The following RGS6 variants were observed in gnomAD, a reference collection of about 807,000 sequenced individuals.
RGS6 encodes the protein regulator of G protein signaling 6.
In RGS6, 30 loss-of-function variants were observed where a neutral mutation model predicts 78.5. That is an observed-to-expected ratio of 0.38 (90% confidence interval 0.29 to 0.52). The LOEUF (loss-of-function observed/expected upper bound fraction) is 0.52, where lower values mean the gene tolerates loss of function less well. RGS6 is among the 20% of genes least tolerant of loss of function. The pLI, the probability that RGS6 is intolerant of heterozygous loss-of-function variation, is 0.85. For synonymous variants in RGS6, 206 were observed against 206.0 expected (o/e 1.00, Z 0.00); for missense variants, 495 against 609.7 (o/e 0.81, Z 1.98).
rs754638424 is a variant in RGS6 at position 71,964,881 on chromosome 14, G to C, written c.84+6G>C. Reference sequence around the variant, plus strand: ...ACATGATCGTTTACTGCAAAGTAAGGCGCCTGGTCAAGTGCCGTGCGTGCT... The same window carrying C: ...ACATGATCGTTTACTGCAAAGTAAGCCGCCTGGTCAAGTGCCGTGCGTGCT... On this transcript the variant is annotated splice_donor_region_variant and intron_variant, in intron 2 of 17. Coordinates refer to ENST00000553525, the MANE Select transcript of RGS6 (RefSeq NM_001204424.2). 6.2e-7 allele frequency: 1 copy of C among 1,612,584 alleles called. No homozygotes were observed. The highest frequency in any genetic ancestry group is 8.5e-7 in the Non-Finnish European group (1 of 1,178,902).
the RGS6 span, among the ~76,000 whole-genome samples, chr14:71,891,880 T>A: frequency 1.3e-5 from 2 of 152,108 alleles, no homozygotes; most frequent in African/African-American, 2.4e-5. Flanking sequence ...CAAATCACCT[T>A]AGGTGTCTCT....
chr14:72,561,610 G>A (rs1010242428), intron 17 of RGS6, among the ~76,000 whole-genome samples: 1 of 152,146 alleles, frequency 6.6e-6, no homozygotes, highest in South Asian at 2.1e-4. Context: ...ATCTCTCCAG[G>A]GCACATACAC....
At chr14:71,954,792 C>G (rs957895669) in intron 1 of RGS6, among the ~76,000 whole-genome samples, 5 of 152,134 alleles carry the variant, frequency 3.3e-5, no homozygotes, top group Non-Finnish European at 7.3e-5. Flanking sequence ...GTTTCCTTCT[C>G]TCTGGTTTCA....
At chr14:71,876,809 G>A in the RGS6 span, among the ~76,000 whole-genome samples, 11 of 152,150 alleles carry the variant, frequency 7.2e-5, no homozygotes, top group Admixed American at 5.9e-4. Context: ...TGCAGTGGCT[G>A]GTACCAATTG....
chr14:72,038,486 A>G (rs1159470854), intron 2 of RGS6, among the ~76,000 whole-genome samples: 1 of 152,188 alleles, frequency 6.6e-6, no homozygotes, highest in African/African-American at 2.4e-5. Context: ...TTAGGGGAAG[A>G]TTCACATCTT....
At chr14:72,288,578 A>G (rs994495450) in intron 2 of RGS6, among the ~76,000 whole-genome samples, 1 of 152,200 alleles carries the variant, frequency 6.6e-6, no homozygotes, top group Non-Finnish European at 1.5e-5. Context: ...AGGGAGGTCA[A>G]AGTCACATTC....
At chr14:72,232,142 C>T (rs755996108) in intron 2 of RGS6, among the ~76,000 whole-genome samples, 2 of 152,134 alleles carry the variant, frequency 1.3e-5, no homozygotes, top group Non-Finnish European at 2.9e-5. Context: ...AGGACCATGC[C>T]ACGGGTATGC....
intron 12 of RGS6, among the ~76,000 whole-genome samples, chr14:72,484,088 T>C (rs1034918412): frequency 5.9e-5 from 9 of 152,238 alleles, no homozygotes; most frequent in African/African-American, 2.2e-4. Context: ...GTCCTGGTTC[T>C]CTGTTGTGCA....
chr14:72,150,959 A>G (rs912704555), intron 2 of RGS6, among the ~76,000 whole-genome samples: 2 of 152,190 alleles, frequency 1.3e-5, no homozygotes, highest in Non-Finnish European at 2.9e-5. Flanking sequence ...CCTCTTTATC[A>G]GGTCTATCTT....
chr14:72,355,415 G>A lies in RGS6; in HGVS notation c.184+3221G>A, dbSNP rs555973791. On this transcript the variant is annotated intron_variant, in intron 3 of 17. Transcript: ENST00000553525. Reference sequence around the variant, plus strand: ...TCACCATGTTGCCCAGGCTGGTCTCGAACTCTTGACCTTAGGTGATCCGCC... The same window carrying A: ...TCACCATGTTGCCCAGGCTGGTCTCAAACTCTTGACCTTAGGTGATCCGCC... 1.9e-4 allele frequency among the ~76,000 whole-genome samples: 29 copies of A among 152,068 alleles called. No homozygotes were observed. In the East Asian group the frequency reaches 2.7e-3, roughly 14 times the overall value.
chr14:72,040,478 G>A (rs912614798), intron 2 of RGS6, among the ~76,000 whole-genome samples: 30 of 151,798 alleles, frequency 2.0e-4, no homozygotes, highest in African/African-American at 7.0e-4. Context: ...GAAATCTGCT[G>A]ATAATCCTAT....
intron 3 of RGS6, among the ~76,000 whole-genome samples, chr14:72,382,381 T>G (rs983955162): frequency 6.6e-6 from 1 of 152,124 alleles, no homozygotes; most frequent in African/African-American, 2.4e-5. Context: ...GCAAATTAAT[T>G]AAAACTACAG....
intron 2 of RGS6, among the ~76,000 whole-genome samples, chr14:71,996,796 C>A (rs995607788): frequency 2.1e-5 from 3 of 141,262 alleles, no homozygotes; most frequent in African/African-American, 7.8e-5. Context: ...AAGGGGGTGG[C>A]GGGAGGAAGT....
intron 2 of RGS6, among the ~76,000 whole-genome samples, chr14:71,987,919 CT>C (rs1296422906): frequency 1.6e-5 from 2 of 122,010 alleles, no homozygotes; most frequent in Non-Finnish European, 3.8e-5. Context: ...ACTTTATGTG[CT>C]TTTTTCAAAC....
chr14:72,045,669 GA>G (rs2092775856), intron 2 of RGS6, among the ~76,000 whole-genome samples: 1 of 151,460 alleles, frequency 6.6e-6, no homozygotes, highest in Non-Finnish European at 1.5e-5. Flanking sequence ...CATGGCCTAT[GA>G]CCTTCACAAG....
At chr14:72,123,482 T>G (rs2096109297) in intron 2 of RGS6, among the ~76,000 whole-genome samples, 1 of 152,154 alleles carries the variant, frequency 6.6e-6, no homozygotes, top group African/African-American at 2.4e-5. Flanking sequence ...AATTTCTGCC[T>G]CAGTTTCCCC....
the RGS6 span, among the ~76,000 whole-genome samples, chr14:71,886,268 C>T: frequency 6.6e-6 from 1 of 152,204 alleles, no homozygotes; most frequent in Admixed American, 6.5e-5. Context: ...CTGTCTGAAA[C>T]TCTTACTGTT....
At chr14:72,373,615 A>G (rs1421922279) in intron 3 of RGS6, among the ~76,000 whole-genome samples, 2 of 152,232 alleles carry the variant, frequency 1.3e-5, no homozygotes, top group African/African-American at 4.8e-5. Context: ...CTGAAGAGCA[A>G]TACGATTATT....
intron 2 of RGS6, among the ~76,000 whole-genome samples, chr14:72,262,843 G>A (rs576966408): frequency 2.7e-4 from 41 of 152,196 alleles, no homozygotes; most frequent in African/African-American, 9.6e-4. Flanking sequence ...ATCCAGGGTC[G>A]ATGTCATCAG....
Sources: gnomAD v4.1 joint callset for allele counts (sites outside exome capture counted in the v4.1 genomes callset) on GRCh38, gnomAD v4.1.1 for gene constraint, MANE v1.5 for transcripts, NCBI Gene and HGNC (gene_info 2026-07-23, HGNC 2026-07-21) for gene names.